The following VAX2 variants were observed in gnomAD, a reference collection of about 807,000 sequenced individuals.
VAX2 encodes ventral anterior homeobox 2.
Under a neutral mutation model 12.5 loss-of-function variants are expected in VAX2, and 8 were observed. That is an observed-to-expected ratio of 0.64 (90% CI 0.37 to 1.15). The LOEUF (loss-of-function observed/expected upper bound fraction) is 1.15, where lower values mean the gene tolerates loss of function less well. VAX2 is among the 50% of genes most tolerant of loss of function. The pLI is 0.01. For missense variants in VAX2, 476 were observed against 412.9 expected (o/e 1.15, Z -1.32); for synonymous variants, 183 against 187.6 (o/e 0.98, Z 0.20).
At chr2:70,920,488 G>A (rs1389327970) in intron 1 of VAX2, among the ~76,000 whole-genome samples, 1 of 152,134 alleles carries the variant, frequency 6.6e-6, no homozygotes, top group African/African-American at 2.4e-5. Flanking sequence ...AAGGCATCCA[G>A]CAGCCTGATA....
chr2:70,920,972 G>A (rs1679444179), intron 1 of VAX2, 126 bp from the exon 2 acceptor site: 3 of 1,168,300 alleles, frequency 2.6e-6, no homozygotes, highest in Admixed American at 3.5e-5. Context: ...CTTGTCACAG[G>A]TCATGCAACC....
rs568158347 is a variant in VAX2, at chr2:70,920,344, G to A, written c.248-754G>A. ...TCTTTATCAGGAATGTGTGGGGAAC[G>A]TGGGCTCCAAATCACTCTTCAGTGG... On this transcript the variant is annotated intron_variant, in intron 1 of 2. Coordinates refer to ENST00000234392, the MANE Select transcript of VAX2 (RefSeq NM_012476.3). 4.6e-5 allele frequency among the ~76,000 whole-genome samples: 7 copies of A among 152,280 alleles called. No homozygotes were observed. The South Asian group carries it at 1.0e-3, about 23-fold the overall frequency.
intron 2 of VAX2, among the ~76,000 whole-genome samples, chr2:70,929,313 C>A (rs1470168617): frequency 6.6e-6 from 1 of 152,226 alleles, no homozygotes; most frequent in Non-Finnish European, 1.5e-5. Flanking sequence ...AGCAGTGCCC[C>A]CCAGAGTATG....
At chr2:70,901,550 C>T (rs550570012) in intron 1 of VAX2, among the ~76,000 whole-genome samples, 1 of 152,240 alleles carries the variant, frequency 6.6e-6, no homozygotes, top group Non-Finnish European at 1.5e-5. Flanking sequence ...TCGTCCTCCT[C>T]TCGTCTTTCC....
intron 1 of VAX2, among the ~76,000 whole-genome samples, chr2:70,902,544 C>A (rs1396253555): frequency 6.6e-6 from 1 of 152,214 alleles, no homozygotes; most frequent in Non-Finnish European, 1.5e-5. Flanking sequence ...GATCTAAAGT[C>A]ACTGCCTGTG....
intron 2 of VAX2, among the ~76,000 whole-genome samples, chr2:70,923,926 G>A (rs1251153502): frequency 6.6e-6 from 1 of 152,164 alleles, no homozygotes; most frequent in Non-Finnish European, 1.5e-5. Context: ...CAGGAGTCCA[G>A]GAGTTCAAGA....
chr2:70,905,609 C>A (rs1265100117), intron 1 of VAX2, among the ~76,000 whole-genome samples: 1 of 152,168 alleles, frequency 6.6e-6, no homozygotes, highest in Non-Finnish European at 1.5e-5. Context: ...CCTCCTCAGG[C>A]GATTTCTGTT....
intron 2 of VAX2, among the ~76,000 whole-genome samples, chr2:70,927,285 C>T (rs2104783938): frequency 6.6e-6 from 1 of 151,942 alleles, no homozygotes; most frequent in East Asian, 1.9e-4. Context: ...TCCCCTCCTG[C>T]AGCTGGGCTG....
chr2:70,909,136 G>T (rs1328771685), intron 1 of VAX2, among the ~76,000 whole-genome samples: 1 of 151,996 alleles, frequency 6.6e-6, no homozygotes, highest in African/African-American at 2.4e-5. Flanking sequence ...GTTTTCAGAA[G>T]TATAAAATGT....
intron 1 of VAX2, among the ~76,000 whole-genome samples, chr2:70,909,456 C>T (rs1679136210): frequency 6.6e-6 from 1 of 152,088 alleles, no homozygotes; most frequent in South Asian, 2.1e-4. Flanking sequence ...CCCACCTGCG[C>T]CTCTCATAAA....
chr2:70,925,479 G>C (rs1032239386), intron 2 of VAX2, among the ~76,000 whole-genome samples: 6 of 152,208 alleles, frequency 3.9e-5, no homozygotes, highest in African/African-American at 1.4e-4. Flanking sequence ...GAAACTGGGG[G>C]AGAAGCAAGA....
intron 2 of VAX2, among the ~76,000 whole-genome samples, chr2:70,929,993 A>G (rs1193671972): frequency 6.6e-6 from 1 of 152,208 alleles, no homozygotes; most frequent in Non-Finnish European, 1.5e-5. Context: ...TAAATGAAGC[A>G]ATCAACCTCA....
intron 1 of VAX2, among the ~76,000 whole-genome samples, chr2:70,910,445 A>G (rs1257438058): frequency 6.6e-6 from 1 of 151,892 alleles, no homozygotes; most frequent in Non-Finnish European, 1.5e-5. Flanking sequence ...TTATACCAAA[A>G]CTCTTATATT....
intron 1 of VAX2, among the ~76,000 whole-genome samples, chr2:70,916,299 C>CTATA (rs1679304010): frequency 6.6e-6 from 1 of 152,202 alleles, no homozygotes; most frequent in African/African-American, 2.4e-5. Flanking sequence ...TTTTACAAAC[C>CTATA]TATAGTACCT....
intron 2 of VAX2, among the ~76,000 whole-genome samples, chr2:70,926,199 C>A (rs781911605): frequency 6.6e-6 from 1 of 152,204 alleles, no homozygotes; most frequent in Non-Finnish European, 1.5e-5. Context: ...CTCTACAGGA[C>A]AAAGGGTCCA....
intron 2 of VAX2, among the ~76,000 whole-genome samples, chr2:70,922,814 G>A (rs782351207): frequency 2.0e-5 from 3 of 152,214 alleles, no homozygotes; most frequent in Non-Finnish European, 4.4e-5. Context: ...CAGGGGGCTG[G>A]GAAGCCAGGC....
chr2:70,915,422 G>A (rs1679289020), intron 1 of VAX2, among the ~76,000 whole-genome samples: 3 of 151,958 alleles, frequency 2.0e-5, no homozygotes, highest in Admixed American at 6.5e-5. Flanking sequence ...TAGAGACGGA[G>A]TTTCGCCACG....
Position 70,933,328 on chromosome 2 carries a change from C to A in VAX2, c.*124C>A. The A allele has an allele frequency of 1.0e-6, 1 of 1,004,320 alleles. No individual in the cohort carries two copies. Among genetic ancestry groups the A allele is most frequent in the Non-Finnish European group, 1.3e-6 (1 of 746,864 alleles). The allele number at this position is 1,004,320 out of a possible 1,614,324, so 62.2% of individuals were successfully genotyped here. ...CAGCCACACACTCTTCCCCACCTGCCCCCCAGCTCAGAGACTCGTGACCAA... is the reference window on the plus strand; with the variant it reads ...CAGCCACACACTCTTCCCCACCTGCACCCCAGCTCAGAGACTCGTGACCAA... On this transcript the variant is annotated 3_prime_UTR_variant, in exon 3 of 3. Coordinates refer to ENST00000234392, the MANE Select transcript of VAX2 (RefSeq NM_012476.3).
chr2:70,916,315 A>G (rs1337041656), intron 1 of VAX2, among the ~76,000 whole-genome samples: 3 of 152,234 alleles, frequency 2.0e-5, no homozygotes, highest in Admixed American at 2.0e-4. Flanking sequence ...TACCTTATCA[A>G]AACCAGAAAA....
Sources: gnomAD v4.1 joint callset for allele counts (sites outside exome capture counted in the v4.1 genomes callset) on GRCh38, gnomAD v4.1.1 for gene constraint, MANE v1.5 for transcripts, NCBI Gene and HGNC (gene_info 2026-07-23, HGNC 2026-07-21) for gene names.